Variants in PTPRT observed in about 807,000 individuals in gnomAD.
PTPRT encodes the protein receptor-type tyrosine-protein phosphatase T.
In PTPRT, 56 loss-of-function variants were observed where a neutral mutation model predicts 176.8. The observed-to-expected ratio is 0.32, with a 90% CI of 0.26 to 0.40. The LOEUF (loss-of-function observed/expected upper bound fraction) is 0.40, where lower values mean the gene tolerates loss of function less well. Among genes scored for constraint, PTPRT ranks in the 10% least tolerant of loss-of-function variants. The pLI is 1.00. For missense variants in PTPRT, 1,540 were observed against 1,908.2 expected, an observed-to-expected ratio of 0.81 and a Z score of 3.60; for synonymous variants, 783 against 739.0, an observed-to-expected ratio of 1.06 and a Z score of -0.96.
At chr20:42,195,005 G>A (rs1991149590) in intron 16 of PTPRT, among the ~76,000 whole-genome samples, 1 of 152,150 alleles carries the variant, frequency 6.6e-6, no homozygotes, top group Non-Finnish European at 1.5e-5. Context: ...GGGGCCTGTT[G>A]TGGGGTGGGG....
chr20:42,116,195 T>G (rs1415336935), intron 21 of PTPRT: 1 of 681,344 alleles, frequency 1.5e-6, no homozygotes, highest in Admixed American at 2.2e-5. Flanking sequence ...CACAGTTAAA[T>G]AGGCAGCTTT....
intron 6 of PTPRT, among the ~76,000 whole-genome samples, chr20:42,703,872 G>T (rs1480102227): frequency 2.0e-5 from 3 of 152,106 alleles, no homozygotes; most frequent in Non-Finnish European, 4.4e-5. Context: ...GTCATCCGGG[G>T]TTTGGTCCTA....
intron 7 of PTPRT, among the ~76,000 whole-genome samples, chr20:42,529,437 A>T (rs1224086729): frequency 6.6e-6 from 1 of 152,208 alleles, no homozygotes; most frequent in East Asian, 1.9e-4. Flanking sequence ...TGCTGATAAC[A>T]GGTATCATCA....
At chr20:42,125,274 A>G (rs1987796997) in intron 19 of PTPRT, among the ~76,000 whole-genome samples, 2 of 152,226 alleles carry the variant, frequency 1.3e-5, no homozygotes, top group South Asian at 4.1e-4. Context: ...ACTTTACATC[A>G]GTAATTGCAC....
intron 5 of PTPRT, among the ~76,000 whole-genome samples, chr20:42,758,508 T>G (rs1029785914): frequency 6.6e-6 from 1 of 152,182 alleles, no homozygotes; most frequent in African/African-American, 2.4e-5. Flanking sequence ...GGCTACAGGC[T>G]CCAGGCTACA....
intron 7 of PTPRT, among the ~76,000 whole-genome samples, chr20:42,545,046 G>T (rs559040313): frequency 3.3e-5 from 5 of 152,106 alleles, no homozygotes; most frequent in African/African-American, 1.2e-4. Flanking sequence ...AGGAACATAC[G>T]GCCAGACACC....
intron 1 of PTPRT, among the ~76,000 whole-genome samples, chr20:43,139,883 G>A (rs987691765): frequency 2.0e-5 from 3 of 152,162 alleles, no homozygotes; most frequent in African/African-American, 7.2e-5. Context: ...CTTCTTGTAC[G>A]ATAAGGAGAC....
intron 7 of PTPRT, among the ~76,000 whole-genome samples, chr20:42,524,802 TTCTC>T (rs1387951299): frequency 1.3e-5 from 2 of 151,956 alleles, no homozygotes; most frequent in Admixed American, 6.6e-5. Flanking sequence ...TTCCTTTTTT[TTCTC>T]TCTCTCTCTT....
At chr20:42,650,388 A>G (rs2075007951) in intron 7 of PTPRT, among the ~76,000 whole-genome samples, 7 of 152,158 alleles carry the variant, frequency 4.6e-5, no homozygotes, top group Admixed American at 4.6e-4. Context: ...ACACACATAC[A>G]TATGCCCTCC....
At chr20:42,613,005 C>T (rs1393956135) in intron 7 of PTPRT, among the ~76,000 whole-genome samples, 1 of 152,142 alleles carries the variant, frequency 6.6e-6, no homozygotes, top group East Asian at 1.9e-4. Flanking sequence ...TGGATAGACA[C>T]CCTAAATGTT....
Position 43,040,058 on chromosome 20 carries a change from G to T in PTPRT, c.88+149588C>A, listed in dbSNP as rs193026426. 1.8e-3 allele frequency among the ~76,000 whole-genome samples: 270 copies of T among 151,786 alleles called. 2 individuals are homozygous for T. The highest frequency in any genetic ancestry group is 0.01 in the South Asian group (49 of 4,798). ...CTGGTCTCAAAAAAAAAGGAATAAA[G>T]AAGAAGAAAGAAGGAAGAAAGAGAA... is the stretch of plus-strand genomic sequence containing the variant. On this transcript the variant is annotated intron_variant, in intron 1 of 30. Coordinates refer to ENST00000373187, the MANE Select transcript of PTPRT (RefSeq NM_007050.6).
At chr20:42,988,207 C>T (rs967065809) in intron 1 of PTPRT, among the ~76,000 whole-genome samples, 2 of 152,176 alleles carry the variant, frequency 1.3e-5, no homozygotes, top group South Asian at 2.1e-4. Flanking sequence ...AGAATAAGTG[C>T]TCTGTCAATG....
At chr20:42,345,322 T>C (rs1054415028) in intron 11 of PTPRT, among the ~76,000 whole-genome samples, 2 of 150,788 alleles carry the variant, frequency 1.3e-5, no homozygotes, top group Non-Finnish European at 2.9e-5. Context: ...AAAATTCTAT[T>C]GAACAGCACT....
At chr20:42,576,155 G>T (rs751610466) in intron 7 of PTPRT, among the ~76,000 whole-genome samples, 2 of 152,056 alleles carry the variant, frequency 1.3e-5, no homozygotes, top group Non-Finnish European at 1.5e-5. Flanking sequence ...TCTCCCTCCT[G>T]GGCCTTTGTC....
rs2073289832 is a variant in PTPRT, at chr20:42,577,854, TGTG to T, written c.1153+100009_1153+100011del. Reference sequence around the variant, plus strand: ...GAGCAAGGCTGTGTGTGTGTGTGTGTGTGTGTGTGTGTGTACAGGCATACCCAG... The same window carrying T: ...GAGCAAGGCTGTGTGTGTGTGTGTGTTGTGTGTGTGTACAGGCATACCCAG... On this transcript the variant is annotated intron_variant, in intron 7 of 30. Coordinates refer to ENST00000373187, the MANE Select transcript of PTPRT (RefSeq NM_007050.6). 1.9e-4 allele frequency among the ~76,000 whole-genome samples: 28 copies of T among 151,246 alleles called. No individual in the cohort carries two copies. The South Asian group carries it at 6.0e-3, about 32-fold the overall frequency.
chr20:42,735,354 G>A (rs1249669391), intron 6 of PTPRT, among the ~76,000 whole-genome samples: 1 of 152,088 alleles, frequency 6.6e-6, no homozygotes, highest in Non-Finnish European at 1.5e-5. Context: ...AGGAGGAATT[G>A]GAGGAAAAGG....
chr20:42,827,083 G>A (rs1247149925), intron 2 of PTPRT, among the ~76,000 whole-genome samples: 1 of 152,102 alleles, frequency 6.6e-6, no homozygotes, highest in Non-Finnish European at 1.5e-5. Context: ...GACCTACAAG[G>A]AGATTTCAAG....
intron 1 of PTPRT, among the ~76,000 whole-genome samples, chr20:42,978,766 C>T (rs992324444): frequency 2.0e-5 from 3 of 152,194 alleles, no homozygotes; most frequent in Non-Finnish European, 4.4e-5. Flanking sequence ...GCTACACTCC[C>T]GCCAGCGCCA....
At chr20:42,225,999 A>G (rs937717779) in intron 15 of PTPRT, among the ~76,000 whole-genome samples, 12 of 152,216 alleles carry the variant, frequency 7.9e-5, no homozygotes, top group Non-Finnish European at 4.4e-5. Flanking sequence ...ACTTTATACC[A>G]AAAACTTTAC....
Sources: gnomAD v4.1 joint callset for allele counts (sites outside exome capture counted in the v4.1 genomes callset) on GRCh38, gnomAD v4.1.1 for gene constraint, MANE v1.5 for transcripts, NCBI Gene and HGNC (gene_info 2026-07-23, HGNC 2026-07-21) for gene names.